NBAS: variants seen among roughly 807,000 people sequenced by gnomAD.
The protein encoded by NBAS is NBAS subunit of NRZ tethering complex, also known as NAG/BC035112 fusion.
NBAS carries 219 observed loss-of-function variants against 302.5 expected under a neutral mutation model. The ratio of observed to expected loss-of-function variants is 0.72; its 90% CI spans 0.65 to 0.81. The LOEUF (loss-of-function observed/expected upper bound fraction) is 0.81, where lower values mean the gene tolerates loss of function less well. NBAS is among the 30% of genes least tolerant of loss of function. The pLI, the probability that NBAS is intolerant of heterozygous loss-of-function variation, is 0.00. For missense variants in NBAS, 2,932 were observed against 2,841.6 expected (o/e 1.03, Z -0.72); for synonymous variants, 1,118 against 1,021.6 (o/e 1.09, Z -1.80).
the NBAS span, among the ~76,000 whole-genome samples, chr2:15,021,818 G>A: frequency 6.6e-6 from 1 of 152,140 alleles, no homozygotes; most frequent in Admixed American, 6.5e-5. Context: ...TTATCATAAA[G>A]CTCTCTCAGG....
At chr2:14,819,293 T>C in the NBAS span, among the ~76,000 whole-genome samples, 1 of 152,204 alleles carries the variant, frequency 6.6e-6, no homozygotes, top group South Asian at 2.1e-4. Context: ...CAAATCCTAC[T>C]CTGACTATAG....
chr2:15,350,236 T>C (rs1035801204), intron 35 of NBAS, among the ~76,000 whole-genome samples: 5 of 151,932 alleles, frequency 3.3e-5, no homozygotes, highest in Non-Finnish European at 5.9e-5. Context: ...AAAGTAACAG[T>C]AGAGTACACA....
At chr2:15,077,881 A>G in the NBAS span, among the ~76,000 whole-genome samples, 1 of 151,758 alleles carries the variant, frequency 6.6e-6, no homozygotes, top group Non-Finnish European at 1.5e-5. Flanking sequence ...ACGGGGTTTC[A>G]CCATATTGGT....
At position 15,268,821 on chromosome 2, in the gene NBAS, C is replaced by G. The variant is rs1669191407; in HGVS notation, c.5724+6663G>C. On this transcript the variant is annotated intron_variant, in intron 44 of 51. Coordinates refer to ENST00000281513, the MANE Select transcript of NBAS (RefSeq NM_015909.4). ...TTCCTTTCTGTGGTACCTGATTCCT[C>G]TGTCTCTTAACTGATTGCAACTTGA... Among the ~76,000 whole-genome samples, 3 of 152,220 alleles carry G rather than the reference C, an allele frequency of 2.0e-5. No individual in the cohort carries two copies. The South Asian group carries it at 6.2e-4, about 31-fold the overall frequency.
chr2:15,356,385 A>T lies in NBAS; in HGVS notation c.3849T>A (p.Val1283=). ...GTGCCTGCTCCACTAAAAGGATTAG[A>T]ACCTGTCCCCGCCTTTCTTCTGGGT... ...GENPEERRGQ[V]LILLVEQALR... The change falls in exon 33 of 52, where the codon GTT becomes GTA. Residue 1283 remains valine, a synonymous_variant. Transcript: ENST00000281513. 1 of 1,613,896 alleles carries T rather than the reference A, an allele frequency of 6.2e-7. No homozygotes were observed. The highest frequency in any genetic ancestry group is 8.5e-7 in the Non-Finnish European group (1 of 1,179,816).
intron 23 of NBAS, among the ~76,000 whole-genome samples, chr2:15,423,198 C>T (rs1677295379): frequency 6.6e-6 from 1 of 152,188 alleles, no homozygotes; most frequent in Admixed American, 6.6e-5. Flanking sequence ...ATTAAAGTAA[C>T]TGAACTAGCT....
intron 28 of NBAS, among the ~76,000 whole-genome samples, chr2:15,389,183 G>A (rs1442716973): frequency 1.3e-5 from 2 of 152,172 alleles, no homozygotes; most frequent in African/African-American, 4.8e-5. Context: ...GGGTAGATGA[G>A]TAGTTCTCCA....
chr2:15,056,318 G>A, the NBAS span, among the ~76,000 whole-genome samples: 1 of 152,226 alleles, frequency 6.6e-6, no homozygotes, highest in Non-Finnish European at 1.5e-5. Context: ...GCGGAAGACT[G>A]TCCTTCTCTA....
At chr2:14,968,694 C>G in the NBAS span, among the ~76,000 whole-genome samples, 1 of 152,142 alleles carries the variant, frequency 6.6e-6, no homozygotes, top group African/African-American at 2.4e-5. Flanking sequence ...AATAGACAAA[C>G]AATAGTCTTC....
At chr2:15,538,292 A>T in intron 7 of NBAS, 1 of 420,272 alleles carries the variant, frequency 2.4e-6, no homozygotes. Flanking sequence ...AGTCTAGAAA[A>T]TAAGAATCCA....
chr2:15,497,391 A>G (rs139719864), intron 11 of NBAS, among the ~76,000 whole-genome samples: 6 of 152,318 alleles, frequency 3.9e-5, no homozygotes, highest in African/African-American at 1.4e-4. Context: ...AGAAGTAGAA[A>G]GATTCTAAGT....
intron 6 of NBAS, 104 bp from the exon 7 acceptor site, chr2:15,539,460 G>A (rs1267698344): frequency 5.3e-5 from 71 of 1,343,724 alleles, no homozygotes; most frequent in Admixed American, 1.1e-4. Flanking sequence ...CAATAATTAC[G>A]TCATCTCCTA....
intron 14 of NBAS, 147 bp from the exon 15 acceptor site, chr2:15,474,471 G>A: frequency 3.7e-6 from 3 of 809,320 alleles, no homozygotes; most frequent in East Asian, 5.3e-5. Context: ...GAACTCAAAG[G>A]AACCTTACAG....
the NBAS span, among the ~76,000 whole-genome samples, chr2:14,837,920 C>G: frequency 6.6e-6 from 1 of 151,734 alleles, no homozygotes; most frequent in African/African-American, 2.4e-5. Flanking sequence ...AAATCATTTG[C>G]TTTTAATTGG....
chr2:15,194,480 T>C (rs1483774153), intron 48 of NBAS, among the ~76,000 whole-genome samples: 2 of 151,842 alleles, frequency 1.3e-5, no homozygotes, highest in Admixed American at 1.3e-4. Flanking sequence ...AAAAAGAAAA[T>C]GAAAACATTC....
At chr2:15,270,057 A>G (rs1172881578) in intron 44 of NBAS, among the ~76,000 whole-genome samples, 2 of 152,224 alleles carry the variant, frequency 1.3e-5, no homozygotes, top group Non-Finnish European at 2.9e-5. Context: ...AATGTAACAC[A>G]GTGCTGTTTT....
At chr2:15,425,376 C>T (rs1677418384) in intron 22 of NBAS, among the ~76,000 whole-genome samples, 1 of 152,170 alleles carries the variant, frequency 6.6e-6, no homozygotes, top group Non-Finnish European at 1.5e-5. Context: ...TTAACTAAAA[C>T]TAGTCTAAGA....
At chr2:15,546,286 T>C (rs1160945887) in intron 6 of NBAS, among the ~76,000 whole-genome samples, 2 of 152,222 alleles carry the variant, frequency 1.3e-5, no homozygotes, top group Non-Finnish European at 2.9e-5. Flanking sequence ...TTCTCACTTT[T>C]AGTTTCTAAA....
intron 44 of NBAS, among the ~76,000 whole-genome samples, chr2:15,246,016 T>C (rs1668081315): frequency 6.6e-6 from 1 of 152,212 alleles, no homozygotes; most frequent in Non-Finnish European, 1.5e-5. Flanking sequence ...GTTGAAAAGA[T>C]AAACTGAGAG....
Sources: gnomAD v4.1 joint callset for allele counts (sites outside exome capture counted in the v4.1 genomes callset) on GRCh38, gnomAD v4.1.1 for gene constraint, MANE v1.5 for transcripts, NCBI Gene and HGNC (gene_info 2026-07-23, HGNC 2026-07-21) for gene names.